Variants in UBE2S observed in about 807,000 individuals in gnomAD.
UBE2S encodes ubiquitin conjugating enzyme E2 S.
UBE2S carries 3 observed loss-of-function variants against 12.3 expected under a neutral mutation model. The observed-to-expected ratio is 0.24, with a 90% confidence interval of 0.11 to 0.63. The LOEUF (loss-of-function observed/expected upper bound fraction) is 0.63. Among genes scored for constraint, UBE2S ranks in the 30% least tolerant of loss-of-function variants. The pLI, the probability that UBE2S is intolerant of heterozygous loss-of-function variation, is 0.85. For missense variants in UBE2S, 211 were observed against 313.9 expected, an observed-to-expected ratio of 0.67 and a Z score of 2.48; for synonymous variants, 133 against 142.0, an observed-to-expected ratio of 0.94 and a Z score of 0.45.
rs2090084505 is a variant in UBE2S at position 55,404,579 on chromosome 19, G to A, written c.152-101C>T. 9.1e-7 allele frequency: 1 copy of A among 1,101,834 alleles called. No homozygotes were observed. Among genetic ancestry groups the A allele is most frequent in the South Asian group, 1.6e-5 (1 of 61,082 alleles). 68.3% of individuals were successfully genotyped at this position (1,101,834 alleles called of 1,614,324 possible). On this transcript the variant is annotated intron_variant, in intron 2 of 3. Coordinates refer to ENST00000264552, the MANE Select transcript of UBE2S (RefSeq NM_014501.3). The surrounding 1 kb of genome is among the most constrained non-coding windows in gnomAD (Gnocchi z 4.4). ...CCACGGTCTGATTGTGATGCAGGTGGGTGCCCCGCCAACTCTGCCAACAGA... is the reference window on the plus strand; with the variant it reads ...CCACGGTCTGATTGTGATGCAGGTGAGTGCCCCGCCAACTCTGCCAACAGA...
rs773001900 is a variant in UBE2S, at chr19:55,401,630, C to T, written c.475G>A (p.Gly159Ser). The change falls in exon 4 of 4, where the codon GGC becomes AGC. Residue 159 changes from glycine (G) to serine (S), a missense_variant. Around this residue, in one of 2 missense-constraint regions of UBE2S, gnomAD observed 127 missense variants for 224.0 expected, o/e 0.57. Coordinates refer to ENST00000264552, the MANE Select transcript of UBE2S (RefSeq NM_014501.3). ...RLLTEIHGGA[G>S]GPSGRAEAGR... is the part of the protein sequence containing the mutation. The stretch of plus-strand genomic sequence containing the variant: ...GCTTCGGCCCTGCCGCTGGGCCCGC[C>T]GGCGCCCCCGTGGATCTCTGTGAGC... 43 of 1,605,664 alleles carry T rather than the reference C, an allele frequency of 2.7e-5. No individual in the cohort carries two copies. In the East Asian group the frequency reaches 3.4e-4, roughly 13 times the overall value.
chr19:55,405,754 G>T (rs1425799010), intron 2 of UBE2S, among the ~76,000 whole-genome samples: 1 of 152,096 alleles, frequency 6.6e-6, no homozygotes, highest in Admixed American at 6.6e-5. Context: ...TCAGATCAAG[G>T]ATCCAACTGT....
chr19:55,401,858 T>G, intron 3 of UBE2S, 96 bp from the exon 4 acceptor site: 1 of 1,311,442 alleles, frequency 7.6e-7, no homozygotes, highest in Non-Finnish European at 1.1e-6. Flanking sequence ...CTGTTCCTTC[T>G]GCTCCCAACT....
chr19:55,404,455 G>A lies in UBE2S; in HGVS notation c.175C>T (p.Leu59=). The change falls in exon 3 of 4, where the codon CTG becomes TTG. Residue 59 remains leucine, a synonymous_variant. Transcript: ENST00000264552. The surrounding 1 kb of genome is among the most constrained non-coding windows in gnomAD (Gnocchi z 4.4). ...GPEGTPYAGG[L]FRMKLLLGKD... is the part of the protein sequence containing the mutation. ...CCCAGCAGGAGTTTCATGCGGAACA[G>A]ACCTCCAGCATATGGGGTCCCCTCT... 1.2e-6 allele frequency: 2 copies of A among 1,610,256 alleles called. No homozygotes were observed. Among genetic ancestry groups the A allele is most frequent in the Non-Finnish European group, 1.7e-6 (2 of 1,177,832 alleles).
chr19:55,404,535 A>T lies in UBE2S; in HGVS notation c.152-57T>A, dbSNP rs991359929. 6.7e-7 allele frequency: 1 copy of T among 1,486,570 alleles called. No homozygotes were observed. The highest frequency in any genetic ancestry group is 2.4e-5 in the East Asian group (1 of 42,416). 92.1% of individuals were successfully genotyped at this position (1,486,570 alleles called of 1,614,324 possible). ...CACTCAGGAGTCCCAAGGCACCTCA[A>T]CACCCCAAAGTCCAGTCTCCACGGT... is the stretch of plus-strand genomic sequence containing the variant. On this transcript the variant is annotated intron_variant, in intron 2 of 3. Coordinates refer to ENST00000264552, the MANE Select transcript of UBE2S (RefSeq NM_014501.3). This position sits in a 1 kb window ranked among gnomAD's most constrained non-coding sequence, Gnocchi z 4.4.
intron 3 of UBE2S, chr19:55,403,100 C>A: frequency 2.0e-6 from 2 of 995,614 alleles, no homozygotes; most frequent in Non-Finnish European, 3.1e-6. Flanking sequence ...GGCCTCCACC[C>A]ACTAGATGCT....
At chr19:55,403,411 C>T (rs2090075286) in intron 3 of UBE2S, among the ~76,000 whole-genome samples, 2 of 152,040 alleles carry the variant, frequency 1.3e-5, no homozygotes, top group Admixed American at 6.6e-5. Flanking sequence ...ATCACCTGAG[C>T]CCAGGAGTTC....
Position 55,401,052 on chromosome 19 carries a change from C to T in UBE2S, c.*384G>A, listed in dbSNP as rs571927623. 8.8e-5 allele frequency: 21 copies of T among 238,498 alleles called. No individual in the cohort carries two copies. The East Asian group carries it at 1.3e-3, about 14-fold the overall frequency. 14.8% of individuals were successfully genotyped at this position (238,498 alleles called of 1,614,324 possible). A position where few individuals can be genotyped will look rare whatever the true frequency, so the allele number is the denominator to read the frequency against. ...GCCACCAGGAGCAGCTCCAGGTCCT[C>T]GCCCCATTTTAGATTGGAAATCTGA... is the stretch of plus-strand genomic sequence containing the variant. On this transcript the variant is annotated 3_prime_UTR_variant, in exon 4 of 4. Transcript: ENST00000264552.
At chr19:55,406,170 C>A (rs1286445341) in intron 2 of UBE2S, among the ~76,000 whole-genome samples, 1 of 152,194 alleles carries the variant, frequency 6.6e-6, no homozygotes, top group Non-Finnish European at 1.5e-5. Flanking sequence ...GTCATGATCC[C>A]GCGCCCTCTG....
chr19:55,407,496 T>C, intron 1 of UBE2S, 91 bp downstream of exon 1: 1 of 1,432,602 alleles, frequency 7.0e-7, no homozygotes. Flanking sequence ...CTCAAACCCC[T>C]CAAGGCCGCC....
intron 3 of UBE2S, 119 bp from the exon 4 acceptor site, chr19:55,401,881 C>T (rs1051509114): frequency 5.7e-6 from 6 of 1,052,954 alleles, no homozygotes; most frequent in African/African-American, 1.6e-5. Context: ...GCTGCAGATC[C>T]AGGCCCCACC....
Position 55,407,622 on chromosome 19 carries a change from C to A in UBE2S, c.-33G>T. The A allele has an allele frequency of 7.3e-7, 1 of 1,369,696 alleles. No individual in the cohort carries two copies. The allele number at this position is 1,369,696 out of a possible 1,614,324, so 84.8% of individuals were successfully genotyped here. On this transcript the variant is annotated 5_prime_UTR_variant, in exon 1 of 4. Transcript: ENST00000264552. ...GCCGGCCGGGGGCGGGTCCCCCCGG[C>A]CCCCTTCCTGCGTTCTTCGGTCCGC...
rs771768401 is a variant in UBE2S at position 55,401,628 on chromosome 19, G to A, written c.477C>T (p.Gly159=). The part of the protein sequence containing the change: ...RLLTEIHGGA[G]GPSGRAEAGR... ...CGGCTTCGGCCCTGCCGCTGGGCCC[G>A]CCGGCGCCCCCGTGGATCTCTGTGA... The change falls in exon 4 of 4, where the codon GGC becomes GGT. Residue 159 remains glycine (G), a synonymous_variant. Transcript: ENST00000264552. 24 of 1,605,952 alleles carry A rather than the reference G, an allele frequency of 1.5e-5. No homozygotes were observed. Among genetic ancestry groups the A allele is most frequent in the African/African-American group, 9.3e-5 (7 of 74,928 alleles).
In UBE2S at chr19:55,404,221, A is replaced by G. The variant is rs1261636967; in HGVS notation, c.342+67T>C. 8.2e-6 allele frequency: 13 copies of G among 1,594,182 alleles called. No individual in the cohort carries two copies. Among genetic ancestry groups the G allele is most frequent in the East Asian group, 4.5e-5 (2 of 44,672 alleles). ...ATTCAGAAAAACTAAACAAAGCGCTATGGCTCAGACACCAGCAGACCTCCA... is the reference window on the plus strand; with the variant it reads ...ATTCAGAAAAACTAAACAAAGCGCTGTGGCTCAGACACCAGCAGACCTCCA... On this transcript the variant is annotated intron_variant, in intron 3 of 3. Transcript: ENST00000264552. The surrounding 1 kb of genome is among the most constrained non-coding windows in gnomAD (Gnocchi z 4.4).
chr19:55,407,385 G>A (rs2090103567), intron 1 of UBE2S, among the ~76,000 whole-genome samples: 1 of 152,104 alleles, frequency 6.6e-6, no homozygotes, highest in African/African-American at 2.4e-5. Context: ...CAAAGCGCCC[G>A]GAGCCCTCGC....
At chr19:55,402,153 G>A (rs1238416131) in intron 3 of UBE2S, among the ~76,000 whole-genome samples, 4 of 152,180 alleles carry the variant, frequency 2.6e-5, no homozygotes, top group African/African-American at 9.7e-5. Flanking sequence ...TGACCTTAGA[G>A]GCCCTCTGGT....
chr19:55,401,851 T>A, intron 3 of UBE2S, 89 bp from the exon 4 acceptor site: 1 of 1,384,546 alleles, frequency 7.2e-7, no homozygotes, highest in Non-Finnish European at 1.0e-6. Flanking sequence ...GCACTGGCTG[T>A]TCCTTCTGCT....
chr19:55,406,787 C>A, intron 2 of UBE2S, 28 bp downstream of exon 2: 1 of 1,600,634 alleles, frequency 6.2e-7, no homozygotes, highest in Non-Finnish European at 8.5e-7. Context: ...TAAGCAGCAG[C>A]CCCTTCTCTT....
rs566419455 is a variant in UBE2S, at chr19:55,406,173, G to A, written c.151+642C>T. On this transcript the variant is annotated intron_variant, in intron 2 of 3. Coordinates refer to ENST00000264552, the MANE Select transcript of UBE2S (RefSeq NM_014501.3). ...AGCCTTCCTATTGTCATGATCCCGC[G>A]CCCTCTGCAGCAAGGCATGAAGGAC... 1.2e-3 allele frequency among the ~76,000 whole-genome samples: 179 copies of A among 152,070 alleles called. 2 individuals carry two copies. The highest frequency in any genetic ancestry group is 2.3e-3 in the Non-Finnish European group (156 of 68,016).
Sources: gnomAD v4.1 joint callset for allele counts (sites outside exome capture counted in the v4.1 genomes callset) on GRCh38, gnomAD v4.1.1 for gene constraint, gnomAD v4.1.1 regional missense constraint, Gnocchi (gnomAD v3.1) non-coding constraint, MANE v1.5 for transcripts, NCBI Gene and HGNC (gene_info 2026-07-23, HGNC 2026-07-21) for gene names.